Variants in PPP2R3A observed in about 807,000 individuals in gnomAD.
The protein encoded by PPP2R3A is protein phosphatase 2 regulatory subunit B''alpha.
In PPP2R3A, 80 loss-of-function variants were observed where a neutral mutation model predicts 106.9. The observed-to-expected ratio is 0.75, with a 90% CI of 0.62 to 0.90. The LOEUF (loss-of-function observed/expected upper bound fraction) is 0.90. Ranked by LOEUF, PPP2R3A falls within the 40% of genes least tolerant of loss-of-function variation. PPP2R3A has a pLI of 0.00. For synonymous variants in PPP2R3A, 483 were observed against 468.3 expected (o/e 1.03, Z -0.41); for missense variants, 1,386 against 1,350.4 (o/e 1.03, Z -0.41).
intron 13 of PPP2R3A, among the ~76,000 whole-genome samples, chr3:136,137,392 G>A (rs1938660391): frequency 6.6e-6 from 1 of 151,888 alleles, no homozygotes. Context: ...AGGAATTTTA[G>A]TGCTTCAGTG....
chr3:136,000,301 T>A (rs1933571851), intron 1 of PPP2R3A, among the ~76,000 whole-genome samples: 1 of 152,208 alleles, frequency 6.6e-6, no homozygotes, highest in Admixed American at 6.5e-5. Flanking sequence ...AAGAACCTGG[T>A]ACACACAGTA....
intron 8 of PPP2R3A, among the ~76,000 whole-genome samples, chr3:136,085,705 A>C (rs1936909565): frequency 6.6e-6 from 1 of 152,220 alleles, no homozygotes; most frequent in African/African-American, 2.4e-5. Context: ...AGCTTATTAG[A>C]TATAGCAGAG....
chr3:136,086,388 A>C (rs1292198761), intron 8 of PPP2R3A, among the ~76,000 whole-genome samples: 1 of 152,006 alleles, frequency 6.6e-6, no homozygotes, highest in East Asian at 1.9e-4. Context: ...AGGCTGAGGC[A>C]GGAGAACCGC....
At chr3:136,056,657 A>C (rs1935872285) in intron 5 of PPP2R3A, among the ~76,000 whole-genome samples, 1 of 152,126 alleles carries the variant, frequency 6.6e-6, no homozygotes, top group African/African-American at 2.4e-5. Flanking sequence ...AGGCTGCGTG[A>C]CACTCGTCTT....
At chr3:136,090,749 T>C in intron 10 of PPP2R3A, 82 bp downstream of exon 10, 1 of 1,075,940 alleles carries the variant, frequency 9.3e-7, no homozygotes, top group South Asian at 1.4e-5. Context: ...TTATACCTAG[T>C]GAGGCCAACT....
At chr3:136,059,055 A>G (rs1048022805) in intron 5 of PPP2R3A, among the ~76,000 whole-genome samples, 1 of 152,238 alleles carries the variant, frequency 6.6e-6, no homozygotes, top group African/African-American at 2.4e-5. Flanking sequence ...AACCTAGGCA[A>G]TACCATTCAG....
chr3:135,973,394 C>T (rs1243439370), intron 1 of PPP2R3A, among the ~76,000 whole-genome samples: 1 of 152,156 alleles, frequency 6.6e-6, no homozygotes, highest in African/African-American at 2.4e-5. Context: ...GATTGATGTC[C>T]TTCAGGGACC....
intron 5 of PPP2R3A, among the ~76,000 whole-genome samples, chr3:136,066,818 T>G (rs1936274407): frequency 6.6e-6 from 1 of 152,162 alleles, no homozygotes; most frequent in South Asian, 2.1e-4. Context: ...GGCCCCCATT[T>G]GCAACACTGA....
intron 13 of PPP2R3A, among the ~76,000 whole-genome samples, chr3:136,143,587 C>G (rs1270804548): frequency 1.3e-5 from 2 of 152,024 alleles, no homozygotes; most frequent in African/African-American, 4.8e-5. Flanking sequence ...GTTAGGAGTT[C>G]AAGACCAGTC....
intron 5 of PPP2R3A, among the ~76,000 whole-genome samples, chr3:136,056,479 TCTAA>T (rs1476331966): frequency 3.5e-5 from 3 of 84,936 alleles, no homozygotes; most frequent in African/African-American, 2.2e-4. Flanking sequence ...CTAAAACTAT[TCTAA>T]AAAAAAAAAA....
At chr3:136,021,857 C>T (rs1374983970) in intron 2 of PPP2R3A, among the ~76,000 whole-genome samples, 1 of 151,600 alleles carries the variant, frequency 6.6e-6, no homozygotes, top group African/African-American at 2.4e-5. Context: ...CAGCTATTTA[C>T]ATAATACTTA....
chr3:136,087,265 CT>C, intron 8 of PPP2R3A, among the ~76,000 whole-genome samples: 1 of 146,508 alleles, frequency 6.8e-6, no homozygotes, highest in Non-Finnish European at 1.5e-5. Context: ...CTCTCTCTCT[CT>C]CTCTCTCTCT....
intron 6 of PPP2R3A, among the ~76,000 whole-genome samples, chr3:136,073,073 T>G (rs1034003106): frequency 6.6e-6 from 1 of 152,166 alleles, no homozygotes; most frequent in Non-Finnish European, 1.5e-5. Flanking sequence ...GTTCACGCCA[T>G]TCTCCTGCCT....
chr3:136,105,874 T>C (rs1391214042), intron 12 of PPP2R3A, among the ~76,000 whole-genome samples: 2 of 151,746 alleles, frequency 1.3e-5, no homozygotes, highest in Non-Finnish European at 2.9e-5. Context: ...GCAGGAGAAT[T>C]GCTTGAACCC....
At chr3:136,090,290 G>A (rs1452692015) in intron 9 of PPP2R3A, among the ~76,000 whole-genome samples, 1 of 152,064 alleles carries the variant, frequency 6.6e-6, no homozygotes, top group Non-Finnish European at 1.5e-5. Flanking sequence ...CCTAACATGA[G>A]TATTAATCCT....
At chr3:136,041,259 T>TTG (rs1935272356) in intron 4 of PPP2R3A, among the ~76,000 whole-genome samples, 8 of 122,706 alleles carry the variant, frequency 6.5e-5, no homozygotes, top group Admixed American at 1.5e-4. Context: ...TGTTTTTTTT[T>TTG]TTGTTTTTTT....
At chr3:136,077,960 C>T (rs1936650253) in intron 6 of PPP2R3A, among the ~76,000 whole-genome samples, 1 of 152,090 alleles carries the variant, frequency 6.6e-6, no homozygotes, top group African/African-American at 2.4e-5. Flanking sequence ...TGAATCATAC[C>T]ACCTTGATAG....
chr3:136,026,897 T>G lies in PPP2R3A; in HGVS notation c.2061T>G (p.Ser687Arg). The change falls in exon 3 of 14, where the codon AGT becomes AGG. Residue 687 changes from serine to arginine, a missense_variant. Transcript: ENST00000264977. ...PLPPPATSPS[S>R]PRPLSPVPHV... ...CACCTCCAGCCACCTCTCCAAGTAG[T>G]CCCCGACCTCTCTCCCCGGTTCCCC... is the stretch of plus-strand genomic sequence containing the variant. The G allele has an allele frequency of 6.2e-7, 1 of 1,612,884 alleles. No homozygotes were observed. Among genetic ancestry groups the G allele is most frequent in the Non-Finnish European group, 8.5e-7 (1 of 1,178,930 alleles).
intron 13 of PPP2R3A, among the ~76,000 whole-genome samples, chr3:136,138,684 A>G (rs1938720763): frequency 6.9e-6 from 1 of 144,398 alleles, no homozygotes; most frequent in Admixed American, 7.1e-5. Flanking sequence ...TCCAAACTAG[A>G]GAAATATTGA....
Sources: gnomAD v4.1 joint callset for allele counts (sites outside exome capture counted in the v4.1 genomes callset) on GRCh38, gnomAD v4.1.1 for gene constraint, MANE v1.5 for transcripts, NCBI Gene and HGNC (gene_info 2026-07-23, HGNC 2026-07-21) for gene names.